The following AIG1 variants were observed in gnomAD, a reference collection of about 807,000 sequenced individuals.
AIG1 encodes the protein androgen-induced gene 1 protein.
AIG1 carries 23 observed loss-of-function variants against 31.4 expected under a neutral mutation model. That is an observed-to-expected ratio of 0.73 (90% CI 0.53 to 1.04). The LOEUF (loss-of-function observed/expected upper bound fraction) is 1.04, where lower values mean the gene tolerates loss of function less well. Ranked by LOEUF, AIG1 falls within the 50% of genes least tolerant of loss-of-function variation. The pLI, the probability that AIG1 is intolerant of heterozygous loss-of-function variation, is 0.00. For synonymous variants in AIG1, 100 were observed against 110.5 expected (o/e 0.90, Z 0.60); for missense variants, 274 against 295.0 (o/e 0.93, Z 0.52).
intron 3 of AIG1, among the ~76,000 whole-genome samples, chr6:143,253,378 T>G (rs1795151287): frequency 6.6e-6 from 1 of 152,206 alleles, no homozygotes; most frequent in African/African-American, 2.4e-5. Flanking sequence ...ATATCAAATA[T>G]CATGCTAACC....
At chr6:143,322,276 A>T (rs748408165) in intron 4 of AIG1, among the ~76,000 whole-genome samples, 27 of 152,304 alleles carry the variant, frequency 1.8e-4, no homozygotes, top group Non-Finnish European at 3.8e-4. Flanking sequence ...GATATAAGCG[A>T]TGCCAGAGAG....
chr6:143,207,174 T>C (rs923817465), intron 3 of AIG1, among the ~76,000 whole-genome samples: 2 of 152,174 alleles, frequency 1.3e-5, no homozygotes, highest in African/African-American at 4.8e-5. Flanking sequence ...TTTGCCCCAG[T>C]TGCAATGACT....
chr6:143,342,396 A>T (rs367655984), downstream of AIG1: 5 of 708,100 alleles, frequency 7.1e-6, no homozygotes, highest in East Asian at 1.0e-4. Flanking sequence ...TCAGAAAAAA[A>T]TGTGGTTCAG....
In AIG1 at chr6:143,326,829, A is replaced by G. The variant is rs1776652066; in HGVS notation, c.516-6453A>G. On this transcript the variant is annotated intron_variant, in intron 4 of 5. Coordinates refer to ENST00000357847, the MANE Select transcript of AIG1 (RefSeq NM_016108.4). The surrounding 1 kb of genome is among the most constrained non-coding windows in gnomAD (Gnocchi z 4.5). ...CCCACATTGCAGGAGGGAACATGACAAGATCAAGGAACCAAATGAAAGCCA... is the reference window on the plus strand; with the variant it reads ...CCCACATTGCAGGAGGGAACATGACGAGATCAAGGAACCAAATGAAAGCCA... Among the ~76,000 whole-genome samples the G allele has an allele frequency of 6.6e-6, 1 of 152,214 alleles. No homozygotes were observed. Among genetic ancestry groups the G allele is most frequent in the Admixed American group, 6.5e-5 (1 of 15,276 alleles).
chr6:143,281,621 T>C (rs1271016627), intron 3 of AIG1, among the ~76,000 whole-genome samples: 1 of 152,258 alleles, frequency 6.6e-6, no homozygotes, highest in African/African-American at 2.4e-5. Flanking sequence ...ACCATTCTTT[T>C]AGTTCACAAA....
chr6:143,196,209 G>A (rs1790209862), intron 3 of AIG1, among the ~76,000 whole-genome samples: 1 of 152,178 alleles, frequency 6.6e-6, no homozygotes, highest in African/African-American at 2.4e-5. Context: ...ATAAAAAGGA[G>A]AAATCATAGG....
chr6:143,105,212 TAAATC>T (rs1399645536), intron 1 of AIG1, among the ~76,000 whole-genome samples: 2 of 152,146 alleles, frequency 1.3e-5, no homozygotes, highest in Admixed American at 6.5e-5. Context: ...AAGAGCCAGA[TAAATC>T]AAAGACTGAG....
chr6:143,116,382 G>T (rs770494565), intron 1 of AIG1, among the ~76,000 whole-genome samples: 1 of 152,076 alleles, frequency 6.6e-6, no homozygotes, highest in Non-Finnish European at 1.5e-5. Flanking sequence ...AATGAAAAGA[G>T]TTAAAATCCA....
intron 3 of AIG1, among the ~76,000 whole-genome samples, chr6:143,192,387 T>G (rs2128598469): frequency 6.6e-6 from 1 of 152,254 alleles, no homozygotes; most frequent in South Asian, 2.1e-4. Flanking sequence ...GGTGCATCAC[T>G]TAAGGTCAGG....
intron 4 of AIG1, among the ~76,000 whole-genome samples, chr6:143,303,801 G>A (rs1351328787): frequency 2.1e-5 from 3 of 143,556 alleles, no homozygotes; most frequent in East Asian, 2.1e-4. Flanking sequence ...CATTGAATCT[G>A]TAAATTACCT....
At position 143,333,952 on chromosome 6, in the gene AIG1, A is replaced by G. The variant is rs763202518; in HGVS notation, c.679+507A>G. On this transcript the variant is annotated intron_variant, in intron 5 of 5. Coordinates refer to ENST00000357847, the MANE Select transcript of AIG1 (RefSeq NM_016108.4). This position sits in a 1 kb window ranked among gnomAD's most constrained non-coding sequence, Gnocchi z 4.6. Reference sequence around the variant, plus strand: ...TGTGATGCTCCGGCCACCTTGACTCACCAGTGGCTGTCACGGAAAGTCTGA... The same window carrying G: ...TGTGATGCTCCGGCCACCTTGACTCGCCAGTGGCTGTCACGGAAAGTCTGA... 51 of 979,874 alleles carry G rather than the reference A, an allele frequency of 5.2e-5. No homozygotes were observed. The highest frequency in any genetic ancestry group is 1.4e-5 in the Non-Finnish European group (9 of 646,538). The allele number at this position is 979,874 out of a possible 1,614,324, so 60.7% of individuals were successfully genotyped here.
intron 3 of AIG1, among the ~76,000 whole-genome samples, chr6:143,250,733 C>G (rs1794951067): frequency 6.6e-6 from 1 of 152,184 alleles, no homozygotes; most frequent in African/African-American, 2.4e-5. Flanking sequence ...GTCCAACCCA[C>G]AGCCCATGGG....
intron 3 of AIG1, among the ~76,000 whole-genome samples, chr6:143,215,093 A>G (rs750882360): frequency 6.6e-6 from 1 of 151,730 alleles, no homozygotes; most frequent in South Asian, 2.1e-4. Context: ...AGCCTGGAAC[A>G]TTGTAGGTGC....
At chr6:143,342,831 C>A, downstream of AIG1, 1 of 806,468 alleles carries the variant, frequency 1.2e-6, no homozygotes, top group South Asian at 1.3e-5. Flanking sequence ...TCTGATATTT[C>A]AAATCTAATC....
chr6:143,131,939 A>G (rs1027753280), intron 1 of AIG1, among the ~76,000 whole-genome samples: 11 of 152,160 alleles, frequency 7.2e-5, no homozygotes, highest in African/African-American at 2.7e-4. Flanking sequence ...TATTCTTTTG[A>G]TGGTTGCTCT....
Position 143,284,149 on chromosome 6 carries a change from A to T in AIG1, c.439A>T (p.Thr147Ser). The change falls in exon 4 of 6, where the codon ACA (threonine) becomes TCA (serine). Residue 147 changes from threonine to serine, a missense_variant. Physicochemically the swap from Thr to Ser is moderately conservative, Grantham distance 58 (BLOSUM62 1). Transcript: ENST00000357847. This position sits in a 1 kb window ranked among gnomAD's most constrained non-coding sequence, Gnocchi z 4.4. The stretch of plus-strand genomic sequence containing the variant: ...GCCCTTTATATTAATCGAGATGAGG[A>T]CATCGCACCATCAGTATCCCAGCAG... ...VLPFILIEMR[T>S]SHHQYPSRSS... is the part of the protein sequence containing the mutation. The T allele has an allele frequency of 1.2e-6, 2 of 1,614,006 alleles. No individual in the cohort carries two copies. Among genetic ancestry groups the T allele is most frequent in the Non-Finnish European group, 1.7e-6 (2 of 1,179,952 alleles).
intron 1 of AIG1, among the ~76,000 whole-genome samples, chr6:143,094,535 C>T (rs1779582600): frequency 6.6e-6 from 1 of 152,120 alleles, no homozygotes; most frequent in Admixed American, 6.5e-5. Context: ...AATACCTTCT[C>T]AATAGAGCTG....
chr6:143,173,995 C>T lies in AIG1; in HGVS notation c.399+8812C>T, dbSNP rs537528901. ...TGCTGTCAGTGGAGTATTGAAGTCC[C>T]GCACTATTATTGTGTTGTTGTCTAT... On this transcript the variant is annotated intron_variant, in intron 3 of 5. Transcript: ENST00000357847. 1.1e-4 allele frequency among the ~76,000 whole-genome samples: 17 copies of T among 152,184 alleles called. No homozygotes were observed. In the South Asian group the frequency reaches 2.7e-3, roughly 24 times the overall value.
intron 2 of AIG1, among the ~76,000 whole-genome samples, chr6:143,158,288 G>C (rs1785996922): frequency 6.6e-6 from 1 of 152,096 alleles, no homozygotes; most frequent in Non-Finnish European, 1.5e-5. Context: ...TGCCAAACAG[G>C]GGTCAGAGCA....
Sources: gnomAD v4.1 joint callset for allele counts (sites outside exome capture counted in the v4.1 genomes callset) on GRCh38, gnomAD v4.1.1 for gene constraint, Gnocchi (gnomAD v3.1) non-coding constraint, MANE v1.5 for transcripts, NCBI Gene and HGNC (gene_info 2026-07-23, HGNC 2026-07-21) for gene names.